The following ALK variants were observed in gnomAD, a reference collection of about 807,000 sequenced individuals.
The protein encoded by ALK is ALK tyrosine kinase receptor.
A neutral mutation model predicts 163.1 loss-of-function variants in ALK; 74 were observed. The observed-to-expected ratio is 0.45, with a 90% CI of 0.38 to 0.55. The LOEUF is 0.55. ALK is among the 20% of genes least tolerant of loss of function. The pLI is 0.00. For synonymous variants in ALK, 960 were observed against 843.2 expected, an observed-to-expected ratio of 1.14 and a Z score of -2.40; for missense variants, 2,063 against 2,105.3, an observed-to-expected ratio of 0.98 and a Z score of 0.39.
intron 13 of ALK, among the ~76,000 whole-genome samples, chr2:29,239,138 A>C (rs1664455972): frequency 6.6e-6 from 1 of 152,166 alleles, no homozygotes. Context: ...CTGTCGTTTC[A>C]CCTTAACCCC....
At chr2:29,637,712 A>AAAAAC (rs1444794519) in intron 3 of ALK, among the ~76,000 whole-genome samples, 1 of 151,244 alleles carries the variant, frequency 6.6e-6, no homozygotes, top group African/African-American at 2.4e-5. Context: ...CCGTCTCCAA[A>AAAAAC]AAAAAAAAAA....
intron 3 of ALK, among the ~76,000 whole-genome samples, chr2:29,694,444 A>C (rs1403460672): frequency 1.3e-5 from 2 of 152,242 alleles, no homozygotes; most frequent in Non-Finnish European, 1.5e-5. Context: ...AGTAGTTCTT[A>C]GTTTAAGTGT....
intron 1 of ALK, among the ~76,000 whole-genome samples, chr2:29,730,895 G>A (rs1027884759): frequency 6.6e-6 from 1 of 152,112 alleles, no homozygotes; most frequent in Admixed American, 6.5e-5. Flanking sequence ...AGGAGATGTG[G>A]CCACAATCAC....
At chr2:29,558,544 C>A (rs78889222) in intron 3 of ALK, among the ~76,000 whole-genome samples, 3 of 152,008 alleles carry the variant, frequency 2.0e-5, no homozygotes, top group South Asian at 2.1e-4. Context: ...TTGCACACAC[C>A]CCTCCCTACC....
At chr2:29,474,245 C>G (rs1021216996) in intron 4 of ALK, among the ~76,000 whole-genome samples, 1 of 152,112 alleles carries the variant, frequency 6.6e-6, no homozygotes, top group African/African-American at 2.4e-5. Flanking sequence ...TTAATACTAT[C>G]AAATAAAGTT....
At chr2:29,306,609 T>A (rs1361995223) in intron 8 of ALK, among the ~76,000 whole-genome samples, 1 of 152,212 alleles carries the variant, frequency 6.6e-6, no homozygotes, top group East Asian at 1.9e-4. Context: ...CTAGTGAATT[T>A]TAATGCATTT....
chr2:29,231,292 G>A (rs981872642), intron 15 of ALK, among the ~76,000 whole-genome samples: 5 of 152,206 alleles, frequency 3.3e-5, no homozygotes, highest in East Asian at 3.8e-4. Flanking sequence ...AGCCGAGACC[G>A]TGCCACTGCA....
At chr2:29,327,575 A>G (rs1667306024) in intron 6 of ALK, among the ~76,000 whole-genome samples, 1 of 152,176 alleles carries the variant, frequency 6.6e-6, no homozygotes, top group Admixed American at 6.5e-5. Flanking sequence ...TTGGAGCAAA[A>G]TGGGGAGAGA....
chr2:29,386,651 C>T (rs1669039275), intron 4 of ALK, among the ~76,000 whole-genome samples: 1 of 152,178 alleles, frequency 6.6e-6, no homozygotes, highest in Non-Finnish European at 1.5e-5. Context: ...TTGGCACTAG[C>T]CCTCTGGATA....
chr2:29,699,696 A>C (rs775728417), intron 2 of ALK, among the ~76,000 whole-genome samples: 19 of 152,212 alleles, frequency 1.2e-4, no homozygotes, highest in Admixed American at 6.5e-5. Context: ...AGAGATCTTG[A>C]CCTTTTTTTG....
At chr2:29,401,479 C>G (rs1669445454) in intron 4 of ALK, among the ~76,000 whole-genome samples, 1 of 152,180 alleles carries the variant, frequency 6.6e-6, no homozygotes, top group African/African-American at 2.4e-5. Context: ...TTTGCCTGTT[C>G]ATAGAATTGT....
At chr2:29,548,248 C>G (rs143893883) in intron 3 of ALK, among the ~76,000 whole-genome samples, 1 of 152,054 alleles carries the variant, frequency 6.6e-6, no homozygotes, top group Non-Finnish European at 1.5e-5. Flanking sequence ...CCAAGGCAGA[C>G]GGATCACGAG....
chr2:29,322,898 G>GTGA (rs1667113526), intron 6 of ALK, among the ~76,000 whole-genome samples: 1 of 152,182 alleles, frequency 6.6e-6, no homozygotes, highest in African/African-American at 2.4e-5. Context: ...ATTCCAGTGG[G>GTGA]TGATGGATTC....
intron 1 of ALK, among the ~76,000 whole-genome samples, chr2:29,905,369 A>G (rs1263566069): frequency 6.6e-6 from 1 of 152,256 alleles, no homozygotes; most frequent in Non-Finnish European, 1.5e-5. Context: ...ATCTCTGGTT[A>G]TCCAGGCTGT....
intron 1 of ALK, among the ~76,000 whole-genome samples, chr2:29,916,317 ACT>A (rs563748576): frequency 2.6e-5 from 4 of 151,950 alleles, no homozygotes; most frequent in African/African-American, 7.3e-5. Context: ...CTTCACTGCC[ACT>A]CTCTCTCTTC....
At chr2:29,837,247 G>A (rs1224878666) in intron 1 of ALK, among the ~76,000 whole-genome samples, 1 of 152,180 alleles carries the variant, frequency 6.6e-6, no homozygotes, top group East Asian at 1.9e-4. Flanking sequence ...GTTGGAGAGT[G>A]ACATCACAAA....
At chr2:29,315,903 A>C (rs781315399) in intron 8 of ALK, among the ~76,000 whole-genome samples, 8 of 152,182 alleles carry the variant, frequency 5.3e-5, no homozygotes, top group Non-Finnish European at 1.2e-4. Flanking sequence ...ACCAGTCGCC[A>C]GTCCCTGTAG....
chr2:29,585,673 T>G (rs536036917), intron 3 of ALK, among the ~76,000 whole-genome samples: 9 of 152,202 alleles, frequency 5.9e-5, no homozygotes, highest in Admixed American at 5.9e-4. Flanking sequence ...ATATACAAAT[T>G]TTTATCTTGA....
At chr2:29,851,748 G>A (rs1657895453) in intron 1 of ALK, among the ~76,000 whole-genome samples, 1 of 152,190 alleles carries the variant, frequency 6.6e-6, no homozygotes, top group Non-Finnish European at 1.5e-5. Flanking sequence ...GAGAACAGGG[G>A]CCTGGCGGAA....
Sources: allele counts gnomAD v4.1 joint callset (sites outside exome capture counted in the v4.1 genomes callset), GRCh38; gene constraint gnomAD v4.1.1; transcripts MANE v1.5; gene names NCBI Gene and HGNC (gene_info 2026-07-23, HGNC 2026-07-21).